POLR1F: variants seen among roughly 807,000 people sequenced by gnomAD.
The protein encoded by POLR1F is DNA-directed RNA polymerase I subunit RPA43.
A neutral mutation model predicts 21.8 loss-of-function variants in POLR1F; 23 were observed. The observed-to-expected ratio is 1.05, with a 90% CI of 0.76 to 1.49. The LOEUF (loss-of-function observed/expected upper bound fraction) is 1.49. Ranked by LOEUF, POLR1F falls within the 40% of genes most tolerant of loss-of-function variation. The pLI is 0.00. For synonymous variants in POLR1F, 162 were observed against 152.8 expected, an observed-to-expected ratio of 1.06 and a Z score of -0.45; for missense variants, 435 against 412.1, an observed-to-expected ratio of 1.06 and a Z score of -0.48.
rs1011968342 is a variant in POLR1F at position 19,697,646 on chromosome 7, C to G, written c.*670G>C. On this transcript the variant is annotated 3_prime_UTR_variant, in exon 4 of 4. Transcript: ENST00000222567. ...TGGCTGAGGCACAAATGAACAAGTA[C>G]AAGAAAACAGTCCTTTCCAGCAACC... 6.6e-6 allele frequency: 1 copy of G among 152,116 alleles called. No individual in the cohort carries two copies. Among genetic ancestry groups the G allele is most frequent in the African/African-American group, 2.4e-5 (1 of 41,412 alleles). 9.4% of individuals were successfully genotyped at this position (152,116 alleles called of 1,614,324 possible).
intron 1 of POLR1F, among the ~76,000 whole-genome samples, chr7:19,708,214 T>A (rs556922125): frequency 1.1e-4 from 16 of 152,320 alleles, no homozygotes; most frequent in East Asian, 3.9e-4. Flanking sequence ...GGCATTTTCA[T>A]AATCCCCAGA....
At chr7:19,701,352 C>T (rs1368880225) in intron 2 of POLR1F, among the ~76,000 whole-genome samples, 2 of 152,096 alleles carry the variant, frequency 1.3e-5, no homozygotes, top group Non-Finnish European at 2.9e-5. Context: ...GTAAAAAGAT[C>T]AGTGGTTGCC....
chr7:19,698,742 T>C lies in POLR1F; in HGVS notation c.606-15A>G. The C allele has an allele frequency of 1.3e-6, 2 of 1,491,944 alleles. No individual in the cohort carries two copies. Among genetic ancestry groups the C allele is most frequent in the South Asian group, 1.5e-5 (1 of 68,310 alleles). 92.4% of individuals were successfully genotyped at this position (1,491,944 alleles called of 1,614,324 possible). On this transcript the variant is annotated splice_polypyrimidine_tract_variant and intron_variant, in intron 3 of 3. Coordinates refer to ENST00000222567, the MANE Select transcript of POLR1F (RefSeq NM_001002926.2). ...TGAATTGTAAACTATAAATTAACAG[T>C]TAAAAAAATTAACAGAACAATAAGC...
At chr7:19,705,895 A>G (rs1169784423) in intron 1 of POLR1F, among the ~76,000 whole-genome samples, 1 of 152,136 alleles carries the variant, frequency 6.6e-6, no homozygotes, top group African/African-American at 2.4e-5. Context: ...TGGTGGCTTC[A>G]TTACCACACC....
At chr7:19,700,869 C>T (rs1783438487) in intron 2 of POLR1F, among the ~76,000 whole-genome samples, 1 of 152,096 alleles carries the variant, frequency 6.6e-6, no homozygotes, top group African/African-American at 2.4e-5. Context: ...GGCTAAATCA[C>T]GAAAGTATTA....
At position 19,696,922 on chromosome 7, in the gene POLR1F, A is replaced by C. The variant is rs936253292; in HGVS notation, c.*1394T>G. ...GTCACATGAATCTCAATTGTAATCA[A>C]AGAGGTTGGCCTGCATCCTTCCATT... On this transcript the variant is annotated 3_prime_UTR_variant, in exon 4 of 4. Coordinates refer to ENST00000222567, the MANE Select transcript of POLR1F (RefSeq NM_001002926.2). 5 of 152,088 alleles carry C rather than the reference A, an allele frequency of 3.3e-5. No individual in the cohort carries two copies. The highest frequency in any genetic ancestry group is 7.2e-5 in the African/African-American group (3 of 41,444). The allele number at this position is 152,088 out of a possible 1,614,324, so 9.4% of individuals were successfully genotyped here. A position where few individuals can be genotyped will look rare whatever the true frequency, so the allele number is the denominator to read the frequency against.
chr7:19,707,567 C>T (rs946271002), intron 1 of POLR1F, among the ~76,000 whole-genome samples: 2 of 152,152 alleles, frequency 1.3e-5, no homozygotes, highest in Non-Finnish European at 2.9e-5. Flanking sequence ...CATCCAGTAT[C>T]CGTTTGTTTA....
At chr7:19,706,863 A>G (rs1302884471) in intron 1 of POLR1F, among the ~76,000 whole-genome samples, 1 of 152,172 alleles carries the variant, frequency 6.6e-6, no homozygotes, top group African/African-American at 2.4e-5. Flanking sequence ...CAGTTCTTTA[A>G]TACTATATGT....
In POLR1F at chr7:19,700,238, C is replaced by T; in HGVS notation, c.439G>A (p.Val147Ile). 3 of 1,613,790 alleles carry T rather than the reference C, an allele frequency of 1.9e-6. No individual in the cohort carries two copies. Among genetic ancestry groups the T allele is most frequent in the Non-Finnish European group, 2.5e-6 (3 of 1,179,786 alleles). The change falls in exon 3 of 4, where the codon GTA becomes ATA. Residue 147 changes from valine to isoleucine, a missense_variant. Physicochemically the swap from Val to Ile is conservative, Grantham distance 29. Coordinates refer to ENST00000222567, the MANE Select transcript of POLR1F (RefSeq NM_001002926.2). ...ATGGAGGCATTGAAACACCCATGTA[C>T]TAAACAGCCAATGTGGCTAGAAGAC... ...KVSSSHIGCL[V>I]HGCFNASIPK...
At position 19,698,395 on chromosome 7, in the gene POLR1F, C is replaced by G; in HGVS notation, c.938G>C (p.Arg313Thr). 6.2e-7 allele frequency: 1 copy of G among 1,605,224 alleles called. No individual in the cohort carries two copies. The highest frequency in any genetic ancestry group is 8.5e-7 in the Non-Finnish European group (1 of 1,177,912). ...AAATTCGGCCTCTTCACTGTGTTTT[C>G]TTTTCTTTTTTTTCTTTTTATGGTC... is the stretch of plus-strand genomic sequence containing the variant. The part of the protein sequence containing the change: ...QSDHKKKKKK[R>T]KHSEEAEFTP... The change falls in exon 4 of 4, where the codon AGA (arginine) becomes ACA (threonine). Residue 313 changes from arginine (R) to threonine (T), a missense_variant. Physicochemically the swap from Arg to Thr is moderately conservative, Grantham distance 71 (BLOSUM62 -1). Transcript: ENST00000222567.
chr7:19,699,659 A>T (rs891686346), intron 3 of POLR1F, among the ~76,000 whole-genome samples: 1 of 152,192 alleles, frequency 6.6e-6, no homozygotes, highest in African/African-American at 2.4e-5. Context: ...TAATACAGAA[A>T]TTAAAATATC....
Position 19,708,958 on chromosome 7 carries a change from A to C in POLR1F, c.59T>G (p.Val20Gly). 1 of 1,607,064 alleles carries C rather than the reference A, an allele frequency of 6.2e-7. No homozygotes were observed. Among genetic ancestry groups the C allele is most frequent in the East Asian group, 2.2e-5 (1 of 44,720 alleles). The change falls in exon 1 of 4, where the codon GTA becomes GGA. Residue 20 changes from valine to glycine, a missense_variant. Val to Gly is a moderately radical substitution (Grantham distance 109). Transcript: ENST00000222567. ...GCAAGGCAGGACGCCAGCCTGCCCT[A>C]CCAGAGACCCATCAGAAGCCGCCGC... Reference protein sequence around the residue: ...RPAAASDGSLVGQAGVLPCLE... With the variant: ...RPAAASDGSLGGQAGVLPCLE...
chr7:19,699,565 C>G (rs545102811), intron 3 of POLR1F, among the ~76,000 whole-genome samples: 2 of 152,276 alleles, frequency 1.3e-5, no homozygotes, highest in South Asian at 4.1e-4. Flanking sequence ...TAAGAGTTGT[C>G]TCTCTCCTTC....
intron 1 of POLR1F, among the ~76,000 whole-genome samples, chr7:19,706,372 A>C (rs1041186379): frequency 6.6e-6 from 1 of 152,176 alleles, no homozygotes; most frequent in African/African-American, 2.4e-5. Flanking sequence ...ACAAATTATC[A>C]AGACTTTATT....
intron 2 of POLR1F, among the ~76,000 whole-genome samples, chr7:19,700,697 C>T (rs1255637499): frequency 2.6e-5 from 4 of 152,206 alleles, no homozygotes; most frequent in Non-Finnish European, 5.9e-5. Context: ...AAAAAGACCT[C>T]ATATGCGTTT....
At chr7:19,699,807 A>G (rs1007845359) in intron 3 of POLR1F, among the ~76,000 whole-genome samples, 1 of 152,150 alleles carries the variant, frequency 6.6e-6, no homozygotes, top group African/African-American at 2.4e-5. Context: ...CAAAATAGAA[A>G]ATACTCAGCA....
At position 19,695,885 on chromosome 7, in the gene POLR1F, C is replaced by T. The variant is rs867815732; in HGVS notation, c.*2431G>A. The T allele has an allele frequency of 4.6e-5, 7 of 152,080 alleles. No homozygotes were observed. The South Asian group carries it at 8.3e-4, about 18-fold the overall frequency. 9.4% of individuals were successfully genotyped at this position (152,080 alleles called of 1,614,324 possible). The stretch of plus-strand genomic sequence containing the variant: ...TCCAACAACAAGCTTAAACACTAAA[C>T]GTAAAGCATTAAACATTCATTGTTA... On this transcript the variant is annotated 3_prime_UTR_variant, in exon 4 of 4. Transcript: ENST00000222567.
At chr7:19,701,022 G>C (rs1011798690) in intron 2 of POLR1F, among the ~76,000 whole-genome samples, 1 of 152,130 alleles carries the variant, frequency 6.6e-6, no homozygotes, top group African/African-American at 2.4e-5. Context: ...CACATTTTCT[G>C]AATTATGAAA....
At chr7:19,700,029 AGAAATT>A in intron 3 of POLR1F, 37 bp downstream of exon 3, 1 of 1,483,020 alleles carries the variant, frequency 6.7e-7, no homozygotes, top group East Asian at 2.3e-5. Context: ...AGAATTAAAT[AGAAATT>A]AAGTACCTAG....
Sources: gnomAD v4.1 joint callset for allele counts (sites outside exome capture counted in the v4.1 genomes callset) on GRCh38, gnomAD v4.1.1 for gene constraint, MANE v1.5 for transcripts, NCBI Gene and HGNC (gene_info 2026-07-23, HGNC 2026-07-21) for gene names.